CSMD1: variants seen among roughly 807,000 people sequenced by gnomAD.
CSMD1 encodes CUB and Sushi multiple domains 1, also known as CUB and sushi domain-containing protein 1.
A neutral mutation model predicts 417.5 loss-of-function variants in CSMD1; 213 were observed. The ratio of observed to expected loss-of-function variants is 0.51; its 90% CI spans 0.46 to 0.57. CSMD1 has a LOEUF of 0.57. Among genes scored for constraint, CSMD1 ranks in the 20% least tolerant of loss-of-function variants. CSMD1 has a pLI of 0.00. For synonymous variants in CSMD1, 2,862 were observed against 1,736.8 expected (o/e 1.65, Z -16.11); for missense variants, 6,923 against 4,529.7 (o/e 1.53, Z -15.17).
chr8:3,093,835 G>T, intron 47 of CSMD1, among the ~76,000 whole-genome samples: 1 of 152,014 alleles, frequency 6.6e-6, no homozygotes, highest in East Asian at 1.9e-4. Context: ...AGGATGAGAA[G>T]AAATGATATT....
intron 2 of CSMD1, among the ~76,000 whole-genome samples, chr8:4,596,997 G>C (rs917774743): frequency 9.2e-5 from 14 of 152,126 alleles, no homozygotes; most frequent in Non-Finnish European, 1.8e-4. Flanking sequence ...CTCCCGCCAT[G>C]ATTCTGAGGC....
intron 3 of CSMD1, among the ~76,000 whole-genome samples, chr8:4,096,782 G>A (rs1013319516): frequency 4.6e-5 from 7 of 152,122 alleles, no homozygotes; most frequent in African/African-American, 9.7e-5. Context: ...AGACACTTGC[G>A]GAGTTGCACT....
intron 1 of CSMD1, among the ~76,000 whole-genome samples, chr8:4,935,946 A>G (rs1807591352): frequency 6.6e-6 from 1 of 152,232 alleles, no homozygotes; most frequent in South Asian, 2.1e-4. Context: ...CAGAACAGTT[A>G]GTACTTACAC....
intron 10 of CSMD1, among the ~76,000 whole-genome samples, chr8:3,529,020 T>A (rs1406114601): frequency 1.3e-5 from 2 of 152,202 alleles, no homozygotes; most frequent in African/African-American, 4.8e-5. Flanking sequence ...ATATTATCAA[T>A]CTCAACAGAG....
intron 50 of CSMD1, among the ~76,000 whole-genome samples, chr8:3,031,597 G>C (rs1046586412): frequency 1.3e-5 from 2 of 151,902 alleles, no homozygotes; most frequent in Admixed American, 1.3e-4. Flanking sequence ...ACTAGGTCTA[G>C]TTATATGGCC....
chr8:3,634,970 C>A (rs1009328822), intron 7 of CSMD1, among the ~76,000 whole-genome samples: 1 of 152,008 alleles, frequency 6.6e-6, no homozygotes, highest in African/African-American at 2.4e-5. Context: ...GCAGGCAACT[C>A]TAACACAATG....
chr8:3,393,705 T>G lies in CSMD1; in HGVS notation c.2593+2489A>C, dbSNP rs1044685377. Among the ~76,000 whole-genome samples the G allele has an allele frequency of 2.6e-5, 4 of 151,952 alleles. No homozygotes were observed. In the South Asian group the frequency reaches 8.3e-4, roughly 32 times the overall value. On this transcript the variant is annotated intron_variant, in intron 17 of 69. Coordinates refer to ENST00000635120, the MANE Select transcript of CSMD1 (RefSeq NM_033225.6). ...TCTTTTGTAGGGACATGGATGAAGC[T>G]GGAAACCATCATTCTCAGCAAACTA... is the stretch of plus-strand genomic sequence containing the variant.
intron 42 of CSMD1, among the ~76,000 whole-genome samples, chr8:3,112,239 A>G (rs935618869): frequency 3.3e-5 from 5 of 152,190 alleles, no homozygotes; most frequent in African/African-American, 9.6e-5. Context: ...TTAAGAGTGA[A>G]CTCATGAAAC....
intron 3 of CSMD1, among the ~76,000 whole-genome samples, chr8:4,215,111 G>C (rs1285089173): frequency 2.6e-5 from 4 of 152,276 alleles, no homozygotes; most frequent in African/African-American, 4.8e-5. Flanking sequence ...CAAGTGAATA[G>C]GTCTCAGTTC....
chr8:4,012,270 G>T (rs1356281989), intron 4 of CSMD1, among the ~76,000 whole-genome samples: 4 of 152,064 alleles, frequency 2.6e-5, no homozygotes, highest in South Asian at 2.1e-4. Context: ...TTATTGGCCA[G>T]TTCTTCTGAG....
chr8:4,882,779 A>G (rs575513031), intron 1 of CSMD1, among the ~76,000 whole-genome samples: 1 of 152,162 alleles, frequency 6.6e-6, no homozygotes, highest in East Asian at 1.9e-4. Context: ...AGAATGCCTT[A>G]CACTGAACAC....
intron 1 of CSMD1, among the ~76,000 whole-genome samples, chr8:4,942,520 T>A (rs1056644601): frequency 6.6e-6 from 1 of 152,222 alleles, no homozygotes; most frequent in Non-Finnish European, 1.5e-5. Context: ...TTTCAAAATA[T>A]TTTCCTCTAT....
At chr8:3,686,631 A>G (rs1398515424) in intron 7 of CSMD1, among the ~76,000 whole-genome samples, 1 of 152,180 alleles carries the variant, frequency 6.6e-6, no homozygotes, top group Non-Finnish European at 1.5e-5. Context: ...AAGCCCAGGG[A>G]TATCTATACA....
chr8:4,878,421 A>G (rs1803183480), intron 1 of CSMD1, among the ~76,000 whole-genome samples: 1 of 152,094 alleles, frequency 6.6e-6, no homozygotes, highest in South Asian at 2.1e-4. Context: ...TATTAGTAAT[A>G]TATGATTAAA....
chr8:3,265,466 A>G (rs1801367112), intron 26 of CSMD1, among the ~76,000 whole-genome samples: 1 of 152,222 alleles, frequency 6.6e-6, no homozygotes. Context: ...TTTCCTAAAC[A>G]GAGTGGTGTT....
chr8:4,530,828 A>T (rs1029823994), intron 2 of CSMD1, among the ~76,000 whole-genome samples: 9 of 151,872 alleles, frequency 5.9e-5, no homozygotes, highest in African/African-American at 2.2e-4. Context: ...ATTCTACTAT[A>T]GGCAGCGCTT....
At chr8:2,946,189 G>A (rs919159219) in intron 68 of CSMD1, among the ~76,000 whole-genome samples, 4 of 152,138 alleles carry the variant, frequency 2.6e-5, no homozygotes, top group African/African-American at 9.7e-5. Flanking sequence ...TGGGGTCACT[G>A]GTGCATATGC....
At chr8:2,997,054 G>A (rs191966801) in intron 54 of CSMD1, among the ~76,000 whole-genome samples, 13 of 152,336 alleles carry the variant, frequency 8.5e-5, no homozygotes, top group Admixed American at 5.9e-4. Flanking sequence ...CGGAGGCAGG[G>A]GCACTGGCTT....
Position 4,137,866 on chromosome 8 carries a change from ATTTTT to A in CSMD1, c.416-105772_416-105768del, listed in dbSNP as rs201920634. On this transcript the variant is annotated intron_variant, in intron 3 of 69. Coordinates refer to ENST00000635120, the MANE Select transcript of CSMD1 (RefSeq NM_033225.6). ...TTTTACCTTTTGGATGCCTTACATTATTTTTTTTAATTAATTTATTTATTTACTTG... is the reference window on the plus strand; with the variant it reads ...TTTTACCTTTTGGATGCCTTACATTATTTAATTAATTTATTTATTTACTTG... 9.1e-5 allele frequency among the ~76,000 whole-genome samples: 8 copies of A among 87,436 alleles called. No homozygotes were observed. The South Asian group carries it at 3.7e-3, about 40-fold the overall frequency. The allele number at this position is 87,436 out of a possible 152,430, so 57.4% of individuals were successfully genotyped here.
Sources: gnomAD v4.1 joint callset for allele counts (sites outside exome capture counted in the v4.1 genomes callset) on GRCh38, gnomAD v4.1.1 for gene constraint, MANE v1.5 for transcripts, NCBI Gene and HGNC (gene_info 2026-07-23, HGNC 2026-07-21) for gene names.